TTN: variants seen among roughly 807,000 people sequenced by gnomAD.
TTN encodes the protein connectin.
A neutral mutation model predicts 3,223.0 loss-of-function variants in TTN; 1,525 were observed. The ratio of observed to expected loss-of-function variants is 0.47; its 90% CI spans 0.45 to 0.49. TTN has a LOEUF of 0.49. Among genes scored for constraint, TTN ranks in the 20% least tolerant of loss-of-function variants. The pLI is 0.00. For missense variants in TTN, 40,786 were observed against 43,424.0 expected, an observed-to-expected ratio of 0.94 and a Z score of 5.40; for synonymous variants, 14,094 against 15,161.0, an observed-to-expected ratio of 0.93 and a Z score of 5.17.
rs2154306627 is a variant in TTN, at chr2:178,728,672, C to T, written c.19254G>A (p.Trp6418Ter). The T allele has an allele frequency of 1.2e-6, 2 of 1,613,356 alleles. No homozygotes were observed. The highest frequency in any genetic ancestry group is 1.7e-6 in the Non-Finnish European group (2 of 1,179,572). Reference sequence around the variant, plus strand: ...GAACTATTTGTTTCCCGTCTTTAAGCCATTTCACTTTGAGTTCTGGTGTTC... The same window carrying T: ...GAACTATTTGTTTCCCGTCTTTAAGTCATTTCACTTTGAGTTCTGGTGTTC... Reference protein sequence around the residue: ...VAGTPELKVKWLKDGKQIVPS... With the variant: ...VAGTPELKVK The change falls in exon 66 of 363, where the codon TGG (tryptophan) becomes TGA (stop). Residue 6418 changes from tryptophan (W) to a stop codon, truncating the protein, a stop_gained. Transcript: ENST00000589042. LOFTEE classifies it high-confidence loss of function.
chr2:178,640,601 C>T lies in TTN; in HGVS notation c.40663G>A (p.Glu13555Lys). 1 of 1,593,418 alleles carries T rather than the reference C, an allele frequency of 6.3e-7. No individual in the cohort carries two copies. The highest frequency in any genetic ancestry group is 2.3e-5 in the East Asian group (1 of 43,392). The change falls in exon 221 of 363, where the codon GAA (glutamate) becomes AAA (lysine). Residue 13555 changes from glutamate to lysine, a missense_variant. Physicochemically the swap from Glu to Lys is moderately conservative, Grantham distance 56. Coordinates refer to ENST00000589042, the MANE Select transcript of TTN (RefSeq NM_001267550.2). Reference protein sequence around the residue: ...VPEPPPPKPVEEVEVPTVTKR... With the variant: ...VPEPPPPKPVKEVEVPTVTKR... ...GTAACAGTAGGTACTTCAACCTCTT[C>T]AACAGGTTTTGGAGGTGGTGGTTCT...
chr2:178,789,596 T>G, intron 12 of TTN, 99 bp from the exon 13 acceptor site: 1 of 1,483,422 alleles, frequency 6.7e-7, no homozygotes. Context: ...AGATGGTTAT[T>G]CAGGGTTAAA....
rs2068887302 is a variant in TTN at position 178,679,691 on chromosome 2, ATAT to A, written c.33581-12_33581-10del. On this transcript the variant is annotated splice_polypyrimidine_tract_variant and intron_variant, in intron 140 of 362. Transcript: ENST00000589042. ...CCTGGGTACCTCAGGCACTTTAAAG[ATAT>A]TATTAAGAATGTTGGAAATTTTGCA... 1 of 1,601,798 alleles carries A rather than the reference ATAT, an allele frequency of 6.2e-7. No individual in the cohort carries two copies. The highest frequency in any genetic ancestry group is 8.5e-7 in the Non-Finnish European group (1 of 1,175,790).
chr2:178,566,237 TC>T lies in TTN; in HGVS notation c.79894del (p.Glu26632AsnfsTer12). ...PEITWSREEG[E>X]FTDKVQIEKG... ...TTCAATTTGGACCTTATCTGTGAAT[TC>T]ACCTTCCTCTCGAGACCAAGTGATC... is the stretch of plus-strand genomic sequence containing the variant. On this transcript the variant is annotated frameshift_variant, in exon 326 of 363. Coordinates refer to ENST00000589042, the MANE Select transcript of TTN (RefSeq NM_001267550.2). LOFTEE classifies it high-confidence loss of function. The T allele has an allele frequency of 6.2e-7, 1 of 1,613,726 alleles. No homozygotes were observed. Among genetic ancestry groups the T allele is most frequent in the Non-Finnish European group, 8.5e-7 (1 of 1,179,704 alleles).
intron 270 of TTN, among the ~76,000 whole-genome samples, 182 bp downstream of exon 270, chr2:178,610,811 G>A (rs1007014276): frequency 7.9e-5 from 12 of 152,030 alleles, no homozygotes; most frequent in Non-Finnish European, 1.2e-4. Flanking sequence ...TCTAATAAGC[G>A]TTTAGCGATT....
chr2:178,781,057 C>G, intron 21 of TTN, 64 bp downstream of exon 21: 1 of 1,609,050 alleles, frequency 6.2e-7, no homozygotes, highest in Non-Finnish European at 8.5e-7. Flanking sequence ...AGCAAACGGA[C>G]AGCACTGCTA....
At chr2:178,681,858 G>A (rs2069490850) in intron 135 of TTN, 120 bp from the exon 136 acceptor site, 1 of 789,652 alleles carries the variant, frequency 1.3e-6, no homozygotes, top group South Asian at 2.2e-5. Context: ...ATAGCCTATT[G>A]AAGTAGGCAA....
chr2:178,669,049 TAA>T (rs1190379377), intron 159 of TTN, among the ~76,000 whole-genome samples: 3 of 152,098 alleles, frequency 2.0e-5, no homozygotes. Flanking sequence ...ATTATGGAGT[TAA>T]GTTACTTCAT....
At chr2:178,745,334 A>C (rs2083290771) in intron 47 of TTN, 4 of 1,335,492 alleles carry the variant, frequency 3.0e-6, no homozygotes, top group Non-Finnish European at 3.8e-6. Flanking sequence ...AGCCAAGGAG[A>C]GATTTAATTG....
chr2:178,735,791 A>G lies in TTN; in HGVS notation c.14655T>C (p.Ile4885=), dbSNP rs1560853931. ...ATTCTTTAATGAAATGTGGCTTATC[A>G]ATGATGATCAACTCTGCTTGGCAGA... ...ADICQAELII[I]DKPHFIKELE... is the part of the protein sequence containing the mutation. The change falls in exon 50 of 363, where the codon ATT becomes ATC. Residue 4885 remains isoleucine, a synonymous_variant. Transcript: ENST00000589042. The G allele has an allele frequency of 1.2e-6, 2 of 1,613,758 alleles. No individual in the cohort carries two copies. Among genetic ancestry groups the G allele is most frequent in the Admixed American group, 3.3e-5 (2 of 60,002 alleles).
Position 178,573,275 on chromosome 2 carries a change from C to A in TTN, c.72857G>T (p.Gly24286Val). The A allele has an allele frequency of 6.2e-7, 1 of 1,601,380 alleles. No homozygotes were observed. Among genetic ancestry groups the A allele is most frequent in the Admixed American group, 1.7e-5 (1 of 58,368 alleles). Residue 24286 changes from glycine (G) to valine (V), a missense_variant, in exon 326 of 363, where the codon GGA (glycine) becomes GTA (valine). Coordinates refer to ENST00000589042, the MANE Select transcript of TTN (RefSeq NM_001267550.2). ...CTCATATTCATGTCCTTCTGTCAGTCCAGACACTTTATATCTTAAATCAGT... is the reference window on the plus strand; with the variant it reads ...CTCATATTCATGTCCTTCTGTCAGTACAGACACTTTATATCTTAAATCAGT... ...TLTDLRYKVS[G>V]LTEGHEYEFR...
rs778970711 is a variant in TTN, at chr2:178,712,083, C to T, written c.27747G>A (p.Thr9249=). The T allele has an allele frequency of 2.5e-6, 4 of 1,613,684 alleles. No individual in the cohort carries two copies. Among genetic ancestry groups the T allele is most frequent in the African/African-American group, 1.3e-5 (1 of 74,908 alleles). The change falls in exon 96 of 363, where the codon ACG becomes ACA. Residue 9249 remains threonine (T), a synonymous_variant. Coordinates refer to ENST00000589042, the MANE Select transcript of TTN (RefSeq NM_001267550.2). ...YKGDTKLRPT[T]TYKMHFRNNV... The stretch of plus-strand genomic sequence containing the variant: ...TATTCCTAAAATGCATTTTGTAAGT[C>T]GTAGTGGGTCTCAATTTTGTATCTC...
In TTN at chr2:178,542,382, C is replaced by T. The variant is rs878887772; in HGVS notation, c.97374G>A (p.Thr32458=). The T allele has an allele frequency of 2.5e-6, 4 of 1,613,594 alleles. No individual in the cohort carries two copies. Among genetic ancestry groups the T allele is most frequent in the Admixed American group, 1.7e-5 (1 of 60,008 alleles). ...LPVSESVTRS[T]FKFTRLTEGN... is the part of the protein sequence containing the mutation. ...CTTCGGTGAGTCTGGTAAACTTAAACGTGGACCTAGTCACTGATTCAGAAA... is the reference window on the plus strand; with the variant it reads ...CTTCGGTGAGTCTGGTAAACTTAAATGTGGACCTAGTCACTGATTCAGAAA... The change falls in exon 349 of 363, where the codon ACG becomes ACA. Residue 32458 remains threonine, a synonymous_variant. Coordinates refer to ENST00000589042, the MANE Select transcript of TTN (RefSeq NM_001267550.2).
intron 152 of TTN, among the ~76,000 whole-genome samples, chr2:178,673,336 C>G (rs1471140315): frequency 1.3e-5 from 2 of 151,646 alleles, no homozygotes; most frequent in Admixed American, 1.3e-4. Context: ...GGAATAAAAT[C>G]TAAAATGTGG....
chr2:178,683,183 C>G, intron 134 of TTN, 28 bp downstream of exon 134: 1 of 1,447,410 alleles, frequency 6.9e-7, no homozygotes, highest in South Asian at 1.2e-5. Context: ...TTTCATGCCT[C>G]ACATTACTTA....
At chr2:178,580,679 G>C (rs879440584) in intron 316 of TTN, 70 bp from the exon 317 acceptor site, 2 of 1,398,694 alleles carry the variant, frequency 1.4e-6, no homozygotes, top group Admixed American at 2.5e-5. Context: ...GACTGGCCTT[G>C]TCACTCCTAA....
At position 178,591,978 on chromosome 2, in the gene TTN, G is replaced by A. The variant is rs727503588; in HGVS notation, c.59926C>T (p.His19976Tyr). ...TTTGTATTCAGAGAAAGCAACTTAC[G>A]GAGAGGATCCAAAGCCTTGATTGGT... ...PKPIKALDPL[H>Y]PPGPPKDLHH... Residue 19976 changes from histidine (H) to tyrosine (Y), a missense_variant and splice_region_variant, in exon 302 of 363, where the codon CAT (histidine) becomes TAT (tyrosine). Physicochemically the swap from His to Tyr is moderately conservative, Grantham distance 83. Coordinates refer to ENST00000589042, the MANE Select transcript of TTN (RefSeq NM_001267550.2). 55 of 1,611,362 alleles carry A rather than the reference G, an allele frequency of 3.4e-5. No individual in the cohort carries two copies. Among genetic ancestry groups the A allele is most frequent in the East Asian group, 1.8e-4 (8 of 44,634 alleles).
In TTN at chr2:178,540,048, C is replaced by A; in HGVS notation, c.98098+20G>T. 2 of 1,594,748 alleles carry A rather than the reference C, an allele frequency of 1.3e-6. No homozygotes were observed. Among genetic ancestry groups the A allele is most frequent in the South Asian group, 1.1e-5 (1 of 88,086 alleles). The stretch of plus-strand genomic sequence containing the variant: ...AGTCTATGGCAATTATTGCAGAAAG[C>A]AAATGATCATATGTCTCACCAAGCA... On this transcript the variant is annotated intron_variant, in intron 351 of 362. Transcript: ENST00000589042.
intron 155 of TTN, 52 bp downstream of exon 155, chr2:178,671,919 G>T: frequency 6.4e-7 from 1 of 1,554,804 alleles, no homozygotes; most frequent in South Asian, 1.2e-5. Flanking sequence ...ACTTTCAAAG[G>T]AAAGTTAGAG....
Sources: gnomAD v4.1 joint callset for allele counts (sites outside exome capture counted in the v4.1 genomes callset) on GRCh38, gnomAD v4.1.1 for gene constraint, MANE v1.5 for transcripts, NCBI Gene and HGNC (gene_info 2026-07-23, HGNC 2026-07-21) for gene names.